The following EXOC1 variants were observed in gnomAD, a reference collection of about 807,000 sequenced individuals.
EXOC1 encodes exocyst complex component 1.
A neutral mutation model predicts 107.7 loss-of-function variants in EXOC1; 67 were observed. That is an observed-to-expected ratio of 0.62 (90% CI 0.51 to 0.76). EXOC1 has a LOEUF of 0.76. EXOC1 is among the 30% of genes least tolerant of loss of function. The pLI, the probability that EXOC1 is intolerant of heterozygous loss-of-function variation, is 0.00. For missense variants in EXOC1, 833 were observed against 1,055.7 expected (o/e 0.79, Z 2.92); for synonymous variants, 348 against 353.5 (o/e 0.98, Z 0.17).
chr4:55,862,675 T>A (rs189082749), intron 3 of EXOC1, among the ~76,000 whole-genome samples: 2 of 152,336 alleles, frequency 1.3e-5, no homozygotes, highest in East Asian at 3.9e-4. Flanking sequence ...GTAATATGAT[T>A]GTTGTACCAA....
At chr4:55,887,402 A>G (rs910223316) in intron 10 of EXOC1, among the ~76,000 whole-genome samples, 3 of 152,198 alleles carry the variant, frequency 2.0e-5, no homozygotes, top group East Asian at 1.9e-4. Flanking sequence ...ACTCACTGTT[A>G]TAAGTACTGG....
At chr4:55,877,108 TCC>T (rs1376726785) in intron 8 of EXOC1, 1 of 976,174 alleles carries the variant, frequency 1.0e-6, no homozygotes, top group Non-Finnish European at 1.2e-6. Context: ...GTGAAAGAAA[TCC>T]CTTTTAACTT....
rs1721753281 is a variant in EXOC1, at chr4:55,864,238, A to G, written c.267A>G (p.Glu89=). 6.4e-7 allele frequency: 1 copy of G among 1,561,214 alleles called. No individual in the cohort carries two copies. The highest frequency in any genetic ancestry group is 1.9e-5 in the Admixed American group (1 of 53,028). The part of the protein sequence containing the change: ...DAKDAIKENP[E]FDLHFEKIYK... ...TATTTTTATTTTAGGAAAATCCTGA[A>G]TTTGATTTACACTTTGAAAAAATAT... Residue 89 remains glutamate (E), a synonymous_variant, in exon 4 of 19, where the codon GAA becomes GAG. Transcript: ENST00000381295.
At chr4:55,858,790 A>G (rs1263882108) in intron 2 of EXOC1, among the ~76,000 whole-genome samples, 1 of 152,092 alleles carries the variant, frequency 6.6e-6, no homozygotes, top group Non-Finnish European at 1.5e-5. Context: ...ACTGATTTGT[A>G]CAAGTTCTTT....
rs1352271259 is a variant in EXOC1 at position 55,890,265 on chromosome 4, G to A, written c.1418G>A (p.Ser473Asn). 1 of 1,613,998 alleles carries A rather than the reference G, an allele frequency of 6.2e-7. No homozygotes were observed. The highest frequency in any genetic ancestry group is 8.5e-7 in the Non-Finnish European group (1 of 1,179,930). ...SSGKLTGSTS[S>N]LNKLSVQSSG... ...GGGAAATTAACTGGATCTACTTCTA[G>A]TCTAAATAAGCTCAGTGTTCAGAGT... The change falls in exon 12 of 19, where the codon AGT (serine) becomes AAT (asparagine). Residue 473 changes from serine (S) to asparagine (N), a missense_variant. Ser to Asn is a conservative substitution (Grantham distance 46, BLOSUM62 1). Coordinates refer to ENST00000381295, the MANE Select transcript of EXOC1 (RefSeq NM_001024924.2).
intron 14 of EXOC1, 95 bp downstream of exon 14, chr4:55,892,806 C>A: frequency 9.0e-7 from 1 of 1,114,978 alleles, no homozygotes; most frequent in Non-Finnish European, 1.3e-6. Flanking sequence ...TTCTCAGTAG[C>A]CTGACAGCAC....
At position 55,870,841 on chromosome 4, in the gene EXOC1, A is replaced by G. The variant is rs149053656; in HGVS notation, c.767A>G (p.Asn256Ser). Reference sequence around the variant, plus strand: ...CAAATGGATCAGATCTCTGAAAGCAACCACCTAATTCATCTTAGTAACACT... The same window carrying G: ...CAAATGGATCAGATCTCTGAAAGCAGCCACCTAATTCATCTTAGTAACACT... ...KEQMDQISES[N>S]HLIHLSNTNN... The change falls in exon 6 of 19, where the codon AAC becomes AGC. Residue 256 changes from asparagine to serine, a missense_variant. Transcript: ENST00000381295. 24 of 1,613,828 alleles carry G rather than the reference A, an allele frequency of 1.5e-5. No homozygotes were observed. The highest frequency in any genetic ancestry group is 1.9e-5 in the Non-Finnish European group (23 of 1,179,936).
intron 16 of EXOC1, among the ~76,000 whole-genome samples, chr4:55,897,937 C>T (rs1254141457): frequency 6.6e-6 from 1 of 152,118 alleles, no homozygotes; most frequent in South Asian, 2.1e-4. Context: ...TTTTAAAATT[C>T]AAAGTAGCTT....
At chr4:55,871,999 C>A in intron 8 of EXOC1, 41 bp downstream of exon 8, 1 of 1,545,220 alleles carries the variant, frequency 6.5e-7, no homozygotes, top group South Asian at 1.1e-5. Context: ...GTTCCTATAG[C>A]TTATTTATGT....
chr4:55,891,457 G>T, intron 13 of EXOC1, 35 bp downstream of exon 13: 4 of 1,356,436 alleles, frequency 2.9e-6, no homozygotes, highest in Non-Finnish European at 3.2e-6. Flanking sequence ...TAGTATTTAT[G>T]ATCTGTAATA....
chr4:55,887,085 A>G (rs925713290), intron 10 of EXOC1, among the ~76,000 whole-genome samples: 28 of 152,282 alleles, frequency 1.8e-4, no homozygotes, highest in African/African-American at 6.7e-4. Flanking sequence ...TTTGTATTCT[A>G]CAAATTTAAT....
At chr4:55,864,646 T>C (rs1011260023) in intron 4 of EXOC1, among the ~76,000 whole-genome samples, 1 of 152,212 alleles carries the variant, frequency 6.6e-6, no homozygotes. Flanking sequence ...TTCCTATGCA[T>C]AAACACCTTT....
intron 8 of EXOC1, among the ~76,000 whole-genome samples, chr4:55,875,110 G>A (rs1356459982): frequency 6.6e-6 from 1 of 152,044 alleles, no homozygotes; most frequent in Non-Finnish European, 1.5e-5. Context: ...AGTACAACCA[G>A]GAAAAAACTG....
chr4:55,868,510 A>G lies in EXOC1; in HGVS notation c.590A>G (p.Gln197Arg). The change falls in exon 5 of 19, where the codon CAG (glutamine) becomes CGG (arginine). Residue 197 changes from glutamine to arginine, a missense_variant. Physicochemically the swap from Gln to Arg is conservative, Grantham distance 43. This residue lies in a region of EXOC1 where 617 missense variants were observed against 701.3 expected (regional missense o/e 0.88). Transcript: ENST00000381295. ...AFAEKLSRELQVLDGANIQSI... is the reference protein window; with the variant it reads ...AFAEKLSRELRVLDGANIQSI... ...GCAGAAAAATTGTCCAGAGAGCTGC[A>G]GGTGCTAGATGGGGTAAGACTTTCC... 6.2e-7 allele frequency: 1 copy of G among 1,613,594 alleles called. No homozygotes were observed. The highest frequency in any genetic ancestry group is 1.1e-5 in the South Asian group (1 of 91,050).
intron 17 of EXOC1, 43 bp from the exon 18 acceptor site, chr4:55,902,301 T>TAAA (rs776916032): frequency 1.5e-6 from 2 of 1,338,228 alleles, no homozygotes; most frequent in Non-Finnish European, 9.7e-7. Context: ...TAAATAATAA[T>TAAA]AAATGCAGGT....
At chr4:55,888,221 A>C (rs1274351751) in intron 10 of EXOC1, among the ~76,000 whole-genome samples, 2 of 152,214 alleles carry the variant, frequency 1.3e-5, no homozygotes, top group African/African-American at 2.4e-5. Context: ...ACCTAAAAAG[A>C]GTTCAAATTC....
At chr4:55,872,302 A>G (rs1722513952) in intron 8 of EXOC1, among the ~76,000 whole-genome samples, 2 of 152,120 alleles carry the variant, frequency 1.3e-5, no homozygotes, top group Non-Finnish European at 2.9e-5. Context: ...ATTTTTCAGT[A>G]TTTTGAGGTG....
At chr4:55,873,390 T>C (rs1722620175) in intron 8 of EXOC1, among the ~76,000 whole-genome samples, 1 of 152,114 alleles carries the variant, frequency 6.6e-6, no homozygotes, top group African/African-American at 2.4e-5. Context: ...CTAATTCATG[T>C]TTTTGTTAGG....
At chr4:55,899,286 G>A (rs996866787) in intron 16 of EXOC1, among the ~76,000 whole-genome samples, 3 of 151,840 alleles carry the variant, frequency 2.0e-5, no homozygotes, top group African/African-American at 7.3e-5. Context: ...ATTTTCTTTA[G>A]TACTTATGAT....
Sources: allele counts gnomAD v4.1 joint callset (sites outside exome capture counted in the v4.1 genomes callset), GRCh38; gene constraint gnomAD v4.1.1; regional missense constraint gnomAD v4.1.1; transcripts MANE v1.5; gene names NCBI Gene and HGNC (gene_info 2026-07-23, HGNC 2026-07-21).